PIK3CB: variants seen among roughly 807,000 people sequenced by gnomAD.
The protein encoded by PIK3CB is phosphatidylinositol 4,5-bisphosphate 3-kinase catalytic subunit beta isoform.
In PIK3CB, 39 loss-of-function variants were observed where a neutral mutation model predicts 136.8. That is an observed-to-expected ratio of 0.29 (90% CI 0.22 to 0.37). The LOEUF (loss-of-function observed/expected upper bound fraction) is 0.37, where lower values mean the gene tolerates loss of function less well. PIK3CB is among the 10% of genes least tolerant of loss of function. The pLI is 1.00. For synonymous variants in PIK3CB, 428 were observed against 436.6 expected, an observed-to-expected ratio of 0.98 and a Z score of 0.25; for missense variants, 868 against 1,275.4, an observed-to-expected ratio of 0.68 and a Z score of 4.87.
chr3:138,804,245 A>T (rs191527516), intron 1 of PIK3CB, among the ~76,000 whole-genome samples: 166 of 152,296 alleles, frequency 1.1e-3, no homozygotes, highest in Non-Finnish European at 1.3e-3. Context: ...CAGGCATGGT[A>T]GTTCATATCT....
intron 1 of PIK3CB, among the ~76,000 whole-genome samples, chr3:138,810,291 C>G (rs994879851): frequency 5.3e-5 from 8 of 152,070 alleles, no homozygotes; most frequent in African/African-American, 1.7e-4. Context: ...GGAACTATAA[C>G]GCCCCACTCT....
chr3:138,692,186 T>C (rs2044024382), intron 14 of PIK3CB, among the ~76,000 whole-genome samples: 1 of 152,300 alleles, frequency 6.6e-6, no homozygotes, highest in Non-Finnish European at 1.5e-5. Flanking sequence ...GAAGCCCAAG[T>C]GCCCCAAGTG....
chr3:138,741,187 G>C (rs2045236321), intron 5 of PIK3CB, among the ~76,000 whole-genome samples: 1 of 152,102 alleles, frequency 6.6e-6, no homozygotes, highest in Admixed American at 6.5e-5. Flanking sequence ...TTTCACATCT[G>C]TCCTAACAAA....
chr3:138,829,638 TTAGCCGGGC>T (rs1933937217), intron 1 of PIK3CB, among the ~76,000 whole-genome samples: 1 of 152,046 alleles, frequency 6.6e-6, no homozygotes, highest in Non-Finnish European at 1.5e-5. Context: ...ACTGCTAGGG[TTAGCCGGGC>T]GTGGTGGCGT....
At chr3:138,707,601 G>C in intron 10 of PIK3CB, 1 of 1,079,124 alleles carries the variant, frequency 9.3e-7, no homozygotes, top group Non-Finnish European at 1.1e-6. Flanking sequence ...ATCAAAATTA[G>C]GTGGCCCATA....
chr3:138,758,871 A>G (rs1020698477), intron 3 of PIK3CB, among the ~76,000 whole-genome samples: 2 of 152,192 alleles, frequency 1.3e-5, no homozygotes, highest in Non-Finnish European at 1.5e-5. Flanking sequence ...AGAGTCAAGG[A>G]AAGGGGGAAG....
chr3:138,691,486 G>A (rs1004635667), intron 14 of PIK3CB, among the ~76,000 whole-genome samples: 10 of 152,160 alleles, frequency 6.6e-5, no homozygotes, highest in Non-Finnish European at 1.0e-4. Context: ...CTGGTGGGAG[G>A]TGACTGAATC....
intron 1 of PIK3CB, among the ~76,000 whole-genome samples, chr3:138,815,431 A>G (rs1933283804): frequency 2.3e-5 from 1 of 43,438 alleles, no homozygotes; most frequent in South Asian, 7.8e-4. Flanking sequence ...GTTACAAAAG[A>G]AAAAAAAAAA....
At chr3:138,657,953 T>A (rs1350486011) in intron 21 of PIK3CB, 118 bp from the exon 22 acceptor site, 1 of 902,508 alleles carries the variant, frequency 1.1e-6, no homozygotes, top group African/African-American at 1.7e-5. Context: ...TGAGCCCTTC[T>A]CCCTCTGTTT....
chr3:138,724,925 G>A (rs772307498), intron 8 of PIK3CB, among the ~76,000 whole-genome samples: 8 of 151,994 alleles, frequency 5.3e-5, no homozygotes, highest in African/African-American at 1.5e-4. Flanking sequence ...AGACAGTTAC[G>A]TTAAAATGTA....
intron 10 of PIK3CB, among the ~76,000 whole-genome samples, chr3:138,711,719 A>G (rs577583412): frequency 6.6e-6 from 1 of 152,260 alleles, no homozygotes; most frequent in African/African-American, 2.4e-5. Context: ...ACAATCTCTA[A>G]TGAGCTAAAT....
intron 2 of PIK3CB, among the ~76,000 whole-genome samples, chr3:138,786,132 G>C (rs2045979783): frequency 6.6e-6 from 1 of 152,090 alleles, no homozygotes; most frequent in South Asian, 2.1e-4. Context: ...TCAGGCTGGA[G>C]CTTCCTCATT....
chr3:138,690,705 G>A (rs1348862322), intron 15 of PIK3CB, among the ~76,000 whole-genome samples: 17 of 143,438 alleles, frequency 1.2e-4, no homozygotes, highest in Non-Finnish European at 9.0e-5. Flanking sequence ...TAAAAATCAA[G>A]CAGGTAGAAA....
intron 2 of PIK3CB, among the ~76,000 whole-genome samples, chr3:138,791,992 G>C (rs1381318898): frequency 6.6e-6 from 1 of 152,036 alleles, no homozygotes; most frequent in Non-Finnish European, 1.5e-5. Flanking sequence ...GTTCTATATC[G>C]GTGGGTTCCA....
chr3:138,671,330 G>C (rs1036598895), intron 19 of PIK3CB, among the ~76,000 whole-genome samples: 2 of 152,116 alleles, frequency 1.3e-5, no homozygotes, highest in South Asian at 4.1e-4. Flanking sequence ...CATAATAACA[G>C]ACTATAACTG....
intron 4 of PIK3CB, among the ~76,000 whole-genome samples, chr3:138,751,229 C>T (rs1262372030): frequency 6.6e-6 from 1 of 151,882 alleles, no homozygotes; most frequent in Non-Finnish European, 1.5e-5. Flanking sequence ...GAGGCCGAGG[C>T]GGGCGGATCA....
At chr3:138,733,596 T>C (rs1334352528) in intron 7 of PIK3CB, among the ~76,000 whole-genome samples, 158 bp from the exon 8 acceptor site, 3 of 152,110 alleles carry the variant, frequency 2.0e-5, no homozygotes, top group African/African-American at 7.2e-5. Flanking sequence ...AATTAAGCAT[T>C]GACCGGGCGC....
intron 19 of PIK3CB, among the ~76,000 whole-genome samples, chr3:138,678,495 T>C (rs1306007288): frequency 1.3e-5 from 2 of 151,796 alleles, no homozygotes; most frequent in African/African-American, 4.8e-5. Context: ...GATGTAAATA[T>C]AAAACATACA....
At chr3:138,798,834 T>C (rs1337724922) in intron 1 of PIK3CB, among the ~76,000 whole-genome samples, 1 of 151,998 alleles carries the variant, frequency 6.6e-6, no homozygotes, top group African/African-American at 2.4e-5. Context: ...CTAGTCCCCT[T>C]GGAAAAGGAT....
Sources: allele counts gnomAD v4.1 joint callset (sites outside exome capture counted in the v4.1 genomes callset), GRCh38; gene constraint gnomAD v4.1.1; transcripts MANE v1.5; gene names NCBI Gene and HGNC (gene_info 2026-07-23, HGNC 2026-07-21).